Variants in SCFD2 observed in about 807,000 individuals in gnomAD.
SCFD2 encodes sec1 family domain containing 2, also known as sec1 family domain-containing protein 2.
SCFD2 carries 54 observed loss-of-function variants against 58.9 expected under a neutral mutation model. The ratio of observed to expected loss-of-function variants is 0.92; its 90% CI spans 0.74 to 1.15. The LOEUF is 1.15. Ranked by LOEUF, SCFD2 falls within the 50% of genes most tolerant of loss-of-function variation. The pLI is 0.00. For synonymous variants in SCFD2, 321 were observed against 335.9 expected, an observed-to-expected ratio of 0.96 and a Z score of 0.49; for missense variants, 805 against 836.6, an observed-to-expected ratio of 0.96 and a Z score of 0.47.
chr4:53,238,161 T>C (rs1375274078), intron 4 of SCFD2, among the ~76,000 whole-genome samples: 33 of 97,744 alleles, frequency 3.4e-4, no homozygotes, highest in African/African-American at 7.9e-4. Flanking sequence ...CCAGACGGGG[T>C]GGCTGGCCGG....
At chr4:52,910,742 C>A (rs1476540307) in intron 6 of SCFD2, among the ~76,000 whole-genome samples, 1 of 152,100 alleles carries the variant, frequency 6.6e-6, no homozygotes. Flanking sequence ...GCAGGAGGGA[C>A]CTGGTGGGAG....
At chr4:53,065,130 G>C (rs1208639083) in intron 5 of SCFD2, among the ~76,000 whole-genome samples, 1 of 152,190 alleles carries the variant, frequency 6.6e-6, no homozygotes, top group African/African-American at 2.4e-5. Context: ...TACCTTGAGA[G>C]TGGCAGGAAA....
intron 5 of SCFD2, among the ~76,000 whole-genome samples, chr4:53,132,995 A>C (rs1165482207): frequency 6.6e-6 from 1 of 152,210 alleles, no homozygotes; most frequent in Non-Finnish European, 1.5e-5. Context: ...TAAGGGAAGC[A>C]TAAGAGGAAA....
intron 5 of SCFD2, among the ~76,000 whole-genome samples, chr4:53,143,147 G>C (rs1726219422): frequency 6.6e-6 from 1 of 152,096 alleles, no homozygotes; most frequent in South Asian, 2.1e-4. Context: ...AAAATGAAGT[G>C]CTGGGCCAAT....
chr4:52,943,621 C>G (rs1227614202), intron 5 of SCFD2, among the ~76,000 whole-genome samples: 1 of 152,112 alleles, frequency 6.6e-6, no homozygotes, highest in African/African-American at 2.4e-5. Flanking sequence ...CCATAGAGCC[C>G]CTTTATAAGG....
At chr4:53,263,022 C>G (rs1479117116) in intron 4 of SCFD2, among the ~76,000 whole-genome samples, 1 of 151,950 alleles carries the variant, frequency 6.6e-6, no homozygotes, top group African/African-American at 2.4e-5. Context: ...GAAGTTCTTT[C>G]TTCTGCTTGT....
At chr4:52,909,261 T>C (rs942802040) in intron 6 of SCFD2, among the ~76,000 whole-genome samples, 1 of 152,146 alleles carries the variant, frequency 6.6e-6, no homozygotes, top group Non-Finnish European at 1.5e-5. Context: ...CTGTTTATTG[T>C]TTGTAGTACC....
At chr4:53,212,132 C>T (rs1433127624) in intron 4 of SCFD2, among the ~76,000 whole-genome samples, 1 of 152,080 alleles carries the variant, frequency 6.6e-6, no homozygotes, top group Non-Finnish European at 1.5e-5. Context: ...GGCATGGCAC[C>T]TCTATTCCTT....
chr4:52,965,694 C>T (rs1720947736), intron 5 of SCFD2, among the ~76,000 whole-genome samples: 1 of 152,196 alleles, frequency 6.6e-6, no homozygotes, highest in African/African-American at 2.4e-5. Context: ...CTGGGTCTGG[C>T]CTTTAGGAAA....
chr4:53,235,378 T>C (rs1457329587), intron 4 of SCFD2, among the ~76,000 whole-genome samples: 1 of 152,174 alleles, frequency 6.6e-6, no homozygotes, highest in Non-Finnish European at 1.5e-5. Flanking sequence ...GGCAAGTAAA[T>C]TCCATGTTTA....
chr4:52,878,442 C>T (rs926407523), intron 8 of SCFD2, among the ~76,000 whole-genome samples: 4 of 152,208 alleles, frequency 2.6e-5, no homozygotes, highest in African/African-American at 9.6e-5. Flanking sequence ...TGACATTTCA[C>T]ATAGAGCATG....
intron 3 of SCFD2, among the ~76,000 whole-genome samples, chr4:53,291,649 CA>C (rs1731843270): frequency 6.6e-6 from 1 of 151,646 alleles, no homozygotes; most frequent in South Asian, 2.1e-4. Flanking sequence ...CATATGGAAC[CA>C]AAAAAGAGCC....
chr4:53,139,398 CCCGGCTG>C (rs1158950299), intron 5 of SCFD2, among the ~76,000 whole-genome samples: 1 of 115,236 alleles, frequency 8.7e-6, no homozygotes. Context: ...AGCGCCTCTT[CCCGGCTG>C]CCGGCCGTCA....
Position 53,007,307 on chromosome 4 carries a change from A to AGG in SCFD2, c.1562-86438_1562-86437insCC, listed in dbSNP as rs1250719911. Among the ~76,000 whole-genome samples the AGG allele has an allele frequency of 1.7e-3, 179 of 104,418 alleles. 5 individuals are homozygous for AGG. Among genetic ancestry groups the AGG allele is most frequent in the African/African-American group, 5.3e-3 (140 of 26,386 alleles). 68.5% of individuals were successfully genotyped at this position (104,418 alleles called of 152,430 possible). ...GAGAGAGAGGGAGAGAGGGAGAGGG[A>AGG]GAGAGAGAGAGAGAGAGAGAGAGAG... On this transcript the variant is annotated intron_variant, in intron 5 of 8. Coordinates refer to ENST00000401642, the MANE Select transcript of SCFD2 (RefSeq NM_152540.4).
intron 5 of SCFD2, among the ~76,000 whole-genome samples, chr4:53,117,640 G>A (rs970037926): frequency 2.0e-5 from 3 of 152,150 alleles, no homozygotes; most frequent in African/African-American, 7.2e-5. Context: ...AGAAGGGAAG[G>A]CTGCTGGTTT....
intron 4 of SCFD2, among the ~76,000 whole-genome samples, chr4:53,185,221 T>A (rs1381743472): frequency 6.6e-6 from 1 of 152,092 alleles, no homozygotes; most frequent in Non-Finnish European, 1.5e-5. Context: ...ATAGCAACCA[T>A]AATCACAAAA....
At chr4:52,999,081 A>C (rs750912700) in intron 5 of SCFD2, among the ~76,000 whole-genome samples, 1 of 152,232 alleles carries the variant, frequency 6.6e-6, no homozygotes, top group Non-Finnish European at 1.5e-5. Context: ...TGACTTTTAA[A>C]GAATTGAATG....
intron 1 of SCFD2, among the ~76,000 whole-genome samples, chr4:53,355,800 C>G (rs923919692): frequency 6.6e-6 from 1 of 152,178 alleles, no homozygotes; most frequent in African/African-American, 2.4e-5. Context: ...CACATGCTCC[C>G]ACCTTAGGCC....
chr4:52,884,333 G>A (rs1458104343), intron 8 of SCFD2, among the ~76,000 whole-genome samples: 1 of 152,126 alleles, frequency 6.6e-6, no homozygotes, highest in Non-Finnish European at 1.5e-5. Flanking sequence ...AGTGGGTGGA[G>A]GTAGGAGGTG....
Sources: allele counts gnomAD v4.1 joint callset (sites outside exome capture counted in the v4.1 genomes callset), GRCh38; gene constraint gnomAD v4.1.1; transcripts MANE v1.5; gene names NCBI Gene and HGNC (gene_info 2026-07-23, HGNC 2026-07-21).